Variants in GRID1 observed in about 807,000 individuals in gnomAD.
GRID1 encodes the protein glutamate receptor ionotropic, delta-1.
GRID1 carries 28 observed loss-of-function variants against 98.0 expected under a neutral mutation model. The ratio of observed to expected loss-of-function variants is 0.29; its 90% confidence interval spans 0.21 to 0.39. The LOEUF is 0.39. GRID1 is among the 10% of genes least tolerant of loss of function. GRID1 has a pLI of 1.00. For synonymous variants in GRID1, 553 were observed against 538.5 expected (o/e 1.03, Z -0.37); for missense variants, 1,111 against 1,340.5 (o/e 0.83, Z 2.67).
chr10:85,991,665 A>C (rs929513123), intron 4 of GRID1, among the ~76,000 whole-genome samples: 15 of 152,232 alleles, frequency 9.9e-5, no homozygotes, highest in Non-Finnish European at 1.9e-4. Flanking sequence ...ACTGTGTCAA[A>C]TGTCACCAAG....
At chr10:86,197,280 G>A (rs7072778) in intron 3 of GRID1, among the ~76,000 whole-genome samples, 3,640 of 152,172 alleles carry the variant, frequency 0.024, 127 homozygotes, top group East Asian at 0.11. Context: ...CCAGGCAGAG[G>A]AAACAGCCAG....
At chr10:85,896,883 A>C (rs1196441671) in intron 5 of GRID1, among the ~76,000 whole-genome samples, 1 of 152,224 alleles carries the variant, frequency 6.6e-6, no homozygotes, top group Admixed American at 6.5e-5. Context: ...TTGCAGCATA[A>C]TTTACAATAG....
chr10:85,844,611 A>C (rs1233746618), intron 8 of GRID1, among the ~76,000 whole-genome samples: 1 of 152,146 alleles, frequency 6.6e-6, no homozygotes, highest in African/African-American at 2.4e-5. Context: ...TCTCTATACT[A>C]TTTATTAAAA....
chr10:85,705,381 A>T (rs1841503630), intron 12 of GRID1, among the ~76,000 whole-genome samples: 1 of 152,216 alleles, frequency 6.6e-6, no homozygotes, highest in Non-Finnish European at 1.5e-5. Flanking sequence ...ATTCCTCGAA[A>T]CATACACTCT....
intron 4 of GRID1, among the ~76,000 whole-genome samples, chr10:86,088,729 A>AT (rs1844100703): frequency 6.6e-6 from 1 of 152,182 alleles, no homozygotes; most frequent in Non-Finnish European, 1.5e-5. Context: ...GAAAACAAAC[A>AT]TAAGAAGAGT....
intron 8 of GRID1, among the ~76,000 whole-genome samples, chr10:85,842,845 C>A (rs1169584362): frequency 2.0e-5 from 3 of 152,030 alleles, no homozygotes; most frequent in Admixed American, 2.0e-4. Flanking sequence ...TTCTACAAAT[C>A]TCTTCCAAAA....
intron 2 of GRID1, among the ~76,000 whole-genome samples, chr10:86,241,501 C>T (rs1846634551): frequency 6.6e-6 from 1 of 152,266 alleles, no homozygotes; most frequent in Non-Finnish European, 1.5e-5. Flanking sequence ...GGCAGGGCCT[C>T]CAGGCCTCAT....
At chr10:85,662,568 T>C (rs1298340713) in intron 12 of GRID1, among the ~76,000 whole-genome samples, 3 of 152,294 alleles carry the variant, frequency 2.0e-5, no homozygotes, top group East Asian at 1.9e-4. Context: ...ACAAGGCCAA[T>C]GCCAACCGGA....
At chr10:85,919,444 C>CT (rs1477322246) in intron 4 of GRID1, among the ~76,000 whole-genome samples, 1 of 152,078 alleles carries the variant, frequency 6.6e-6, no homozygotes, top group East Asian at 2.0e-4. Context: ...CGCACAGAGG[C>CT]TGAGATAGAT....
At chr10:85,932,824 C>G (rs1841873250) in intron 4 of GRID1, among the ~76,000 whole-genome samples, 1 of 152,134 alleles carries the variant, frequency 6.6e-6, no homozygotes, top group Non-Finnish European at 1.5e-5. Flanking sequence ...CAGGGATGAG[C>G]ATGGCTTGTG....
At chr10:85,740,955 T>A (rs1050524620) in intron 8 of GRID1, among the ~76,000 whole-genome samples, 1 of 152,066 alleles carries the variant, frequency 6.6e-6, no homozygotes, top group Non-Finnish European at 1.5e-5. Flanking sequence ...CGTTTCACCA[T>A]GTTAACCAGG....
intron 12 of GRID1, among the ~76,000 whole-genome samples, chr10:85,691,641 A>G (rs1841333536): frequency 6.6e-6 from 1 of 152,206 alleles, no homozygotes; most frequent in South Asian, 2.1e-4. Context: ...AGTTGTGCCT[A>G]ACTCTGCCTT....
intron 4 of GRID1, among the ~76,000 whole-genome samples, chr10:85,917,798 C>T (rs148062194): frequency 2.0e-5 from 3 of 152,360 alleles, no homozygotes; most frequent in Non-Finnish European, 4.4e-5. Context: ...CCTGAAGACA[C>T]TTTCCTCCCC....
chr10:86,258,449 T>A (rs1846960225), intron 2 of GRID1, among the ~76,000 whole-genome samples: 1 of 152,214 alleles, frequency 6.6e-6, no homozygotes, highest in African/African-American at 2.4e-5. Flanking sequence ...AAAATCTCAG[T>A]GGCTTAAATC....
chr10:86,267,098 CA>C (rs1474109716), intron 2 of GRID1, among the ~76,000 whole-genome samples: 2 of 152,230 alleles, frequency 1.3e-5, no homozygotes, highest in Admixed American at 1.3e-4. Context: ...GCTTGGCACA[CA>C]GCAGACAGCC....
intron 4 of GRID1, among the ~76,000 whole-genome samples, chr10:85,970,338 T>C (rs1272429952): frequency 1.3e-5 from 2 of 152,040 alleles, no homozygotes; most frequent in Non-Finnish European, 2.9e-5. Flanking sequence ...GTTACCCTGA[T>C]ACTAAAATCA....
At chr10:85,890,033 T>C (rs550014703) in intron 5 of GRID1, among the ~76,000 whole-genome samples, 1 of 152,146 alleles carries the variant, frequency 6.6e-6, no homozygotes, top group Non-Finnish European at 1.5e-5. Flanking sequence ...ATCATTTATT[T>C]GTCTTGGGAA....
intron 4 of GRID1, among the ~76,000 whole-genome samples, chr10:85,951,256 C>T (rs1842121969): frequency 6.6e-6 from 1 of 152,150 alleles, no homozygotes; most frequent in Non-Finnish European, 1.5e-5. Flanking sequence ...GCATATAGTA[C>T]ATGCATGTTT....
At chr10:86,085,066 T>G (rs563612978) in intron 4 of GRID1, among the ~76,000 whole-genome samples, 2 of 152,110 alleles carry the variant, frequency 1.3e-5, no homozygotes, top group Admixed American at 1.3e-4. Flanking sequence ...TTTAAACAAA[T>G]AAAGAAAGAA....
Sources: gnomAD v4.1 joint callset for allele counts (sites outside exome capture counted in the v4.1 genomes callset) on GRCh38, gnomAD v4.1.1 for gene constraint, MANE v1.5 for transcripts, NCBI Gene and HGNC (gene_info 2026-07-23, HGNC 2026-07-21) for gene names.